Variants in COBL observed in about 807,000 individuals in gnomAD.
COBL encodes cordon-bleu WH2 repeat protein.
Under a neutral mutation model 98.8 loss-of-function variants are expected in COBL, and 51 were observed. The ratio of observed to expected loss-of-function variants is 0.52; its 90% confidence interval spans 0.41 to 0.65. COBL has a LOEUF of 0.65. Among genes scored for constraint, COBL ranks in the 30% least tolerant of loss-of-function variants. The pLI, the probability that COBL is intolerant of heterozygous loss-of-function variation, is 0.00. For synonymous variants in COBL, 634 were observed against 651.7 expected, an observed-to-expected ratio of 0.97 and a Z score of 0.41; for missense variants, 1,617 against 1,617.5, an observed-to-expected ratio of 1.00 and a Z score of 0.01.
intron 4 of COBL, among the ~76,000 whole-genome samples, chr7:51,185,206 G>A (rs927644639): frequency 3.3e-5 from 5 of 152,190 alleles, no homozygotes; most frequent in Non-Finnish European, 7.3e-5. Context: ...AAGCGAGATG[G>A]AACCTGCAGC....
At chr7:51,152,714 T>C (rs1785683764) in intron 5 of COBL, among the ~76,000 whole-genome samples, 1 of 152,268 alleles carries the variant, frequency 6.6e-6, no homozygotes, top group South Asian at 2.1e-4. Context: ...AGTGGTTTCA[T>C]ATACAAGTTA....
At chr7:51,209,713 G>A (rs745545455) in intron 2 of COBL, among the ~76,000 whole-genome samples, 28 of 152,196 alleles carry the variant, frequency 1.8e-4, no homozygotes, top group Non-Finnish European at 2.9e-4. Context: ...GTCCTCCTGC[G>A]GTCTGAGGAT....
At chr7:51,055,791 T>C (rs1208097600) in intron 7 of COBL, among the ~76,000 whole-genome samples, 1 of 152,180 alleles carries the variant, frequency 6.6e-6, no homozygotes, top group African/African-American at 2.4e-5. Context: ...ATTTAAGCTT[T>C]GTATCCCCAT....
intron 12 of COBL, among the ~76,000 whole-genome samples, chr7:51,022,215 G>A (rs896021754): frequency 2.0e-5 from 3 of 152,048 alleles, no homozygotes; most frequent in African/African-American, 7.2e-5. Context: ...AACGGCTCGG[G>A]GCATCAAAAC....
intron 1 of COBL, among the ~76,000 whole-genome samples, chr7:51,269,431 C>T (rs1023958866): frequency 3.3e-5 from 5 of 152,196 alleles, no homozygotes; most frequent in Admixed American, 2.0e-4. Context: ...TGGTAAGTGG[C>T]ACAGGGTCCA....
intron 12 of COBL, among the ~76,000 whole-genome samples, chr7:51,020,688 CAGG>C (rs1786844479): frequency 6.6e-6 from 1 of 152,166 alleles, no homozygotes; most frequent in Admixed American, 6.5e-5. Flanking sequence ...ACACTGCCTT[CAGG>C]AGGAGTGGGT....
At chr7:51,261,253 C>T (rs1797695802) in intron 1 of COBL, among the ~76,000 whole-genome samples, 1 of 152,190 alleles carries the variant, frequency 6.6e-6, no homozygotes, top group Non-Finnish European at 1.5e-5. Context: ...TGGCACACGC[C>T]TATAAAAAAA....
chr7:51,207,481 C>A (rs1274352247), intron 2 of COBL, among the ~76,000 whole-genome samples: 1 of 152,194 alleles, frequency 6.6e-6, no homozygotes, highest in African/African-American at 2.4e-5. Context: ...TGATGCCGAG[C>A]CGAAGCAGGA....
At chr7:51,248,829 T>G (rs975221660) in intron 1 of COBL, among the ~76,000 whole-genome samples, 5 of 152,228 alleles carry the variant, frequency 3.3e-5, no homozygotes, top group Admixed American at 3.3e-4. Context: ...GCCTAGTGAT[T>G]AAATTTTTAA....
chr7:51,246,403 C>T (rs142827034), intron 1 of COBL, among the ~76,000 whole-genome samples: 1,634 of 152,294 alleles, frequency 0.011, 24 homozygotes, highest in African/African-American at 0.037. Context: ...ATTCCCCTCC[C>T]CTGGGCCTCC....
chr7:51,123,510 C>T (rs1423097345), intron 6 of COBL, among the ~76,000 whole-genome samples: 1 of 152,168 alleles, frequency 6.6e-6, no homozygotes, highest in Non-Finnish European at 1.5e-5. Context: ...GATGTTTCAA[C>T]TGCAGTAGGA....
chr7:51,040,482 T>C (rs890232048), intron 8 of COBL, among the ~76,000 whole-genome samples: 2 of 152,226 alleles, frequency 1.3e-5, no homozygotes, highest in Admixed American at 6.5e-5. Context: ...CTAAGGGCAG[T>C]AGTTCTGACA....
chr7:51,293,921 A>T (rs1212983661), intron 1 of COBL, among the ~76,000 whole-genome samples: 1 of 152,044 alleles, frequency 6.6e-6, no homozygotes, highest in Non-Finnish European at 1.5e-5. Flanking sequence ...AGGGTGCTGG[A>T]TCATGCACAG....
chr7:51,273,991 T>C (rs1307812250), intron 1 of COBL, among the ~76,000 whole-genome samples: 1 of 152,128 alleles, frequency 6.6e-6, no homozygotes, highest in Non-Finnish European at 1.5e-5. Flanking sequence ...TCTTCAGTCA[T>C]CTGTTCTGGG....
At position 51,028,981 on chromosome 7, in the gene COBL, G is replaced by A. The variant is rs1483699557; in HGVS notation, c.2115C>T (p.Leu705=). 1.9e-6 allele frequency: 3 copies of A among 1,614,058 alleles called. No homozygotes were observed. Among genetic ancestry groups the A allele is most frequent in the South Asian group, 2.2e-5 (2 of 91,084 alleles). ...PGKSYRLKHG[L]TTYKIIPPKS... ...TTGGAGGAATGATTTTATACGTTGT[G>A]AGGCCGTGCTTAAGTCTGTAGCTTT... Residue 705 remains leucine, a synonymous_variant, in exon 10 of 13, where the codon CTC becomes CTT. Transcript: ENST00000265136.
Position 51,028,717 on chromosome 7 carries a change from G to A in COBL, c.2379C>T (p.Ser793=). ...TCTGCGTCTGCGTGGGCACAGGGGT[G>A]GAGGGGGGTCCCCTGGCAGAGCTCT... ...PSESSARGPP[S]TPVPTQTQNP... The change falls in exon 10 of 13, where the codon TCC becomes TCT. Residue 793 remains serine, a synonymous_variant. Coordinates refer to ENST00000265136, the MANE Select transcript of COBL (RefSeq NM_015198.5). 1 of 1,614,062 alleles carries A rather than the reference G, an allele frequency of 6.2e-7. No homozygotes were observed. The highest frequency in any genetic ancestry group is 8.5e-7 in the Non-Finnish European group (1 of 1,179,960).
intron 1 of COBL, among the ~76,000 whole-genome samples, chr7:51,267,963 C>T (rs928637984): frequency 6.6e-6 from 1 of 152,174 alleles, no homozygotes; most frequent in Admixed American, 6.5e-5. Context: ...GAAGCACACC[C>T]GGGGGCCTGT....
At chr7:51,202,695 G>A (rs1791246807) in intron 2 of COBL, among the ~76,000 whole-genome samples, 1 of 152,150 alleles carries the variant, frequency 6.6e-6, no homozygotes, top group Non-Finnish European at 1.5e-5. Context: ...TTATGGGATG[G>A]AACAAAACTA....
intron 1 of COBL, among the ~76,000 whole-genome samples, chr7:51,312,905 A>T (rs1404327970): frequency 1.3e-5 from 2 of 152,204 alleles, no homozygotes; most frequent in Admixed American, 1.3e-4. Flanking sequence ...GAAATAATAA[A>T]AATGCTCTGA....
Sources: gnomAD v4.1 joint callset for allele counts (sites outside exome capture counted in the v4.1 genomes callset) on GRCh38, gnomAD v4.1.1 for gene constraint, MANE v1.5 for transcripts, NCBI Gene and HGNC (gene_info 2026-07-23, HGNC 2026-07-21) for gene names.